Variants in TRMT11 observed in about 807,000 individuals in gnomAD.
TRMT11 encodes tRNA methyltransferase 11, also known as tRNA (guanine(10)-N(2))-methyltransferase TRMT11.
A neutral mutation model predicts 62.8 loss-of-function variants in TRMT11; 53 were observed. The ratio of observed to expected loss-of-function variants is 0.84; its 90% CI spans 0.68 to 1.06. TRMT11 has a LOEUF of 1.06. Ranked by LOEUF, TRMT11 falls within the 50% of genes least tolerant of loss-of-function variation. The pLI is 0.00. For missense variants in TRMT11, 556 were observed against 553.4 expected (o/e 1.00, Z -0.05); for synonymous variants, 188 against 190.3 (o/e 0.99, Z 0.10).
chr6:126,243,869 A>G, the TRMT11 span, among the ~76,000 whole-genome samples: 2,492 of 152,286 alleles, frequency 0.016, 61 homozygotes, highest in African/African-American at 0.054. Flanking sequence ...CCAACATGGC[A>G]CATGTATACA....
At chr6:126,225,528 G>A in the TRMT11 span, among the ~76,000 whole-genome samples, 1 of 151,734 alleles carries the variant, frequency 6.6e-6, no homozygotes, top group Non-Finnish European at 1.5e-5. Flanking sequence ...TCTGGTCTCC[G>A]TGGGAGATGC....
At chr6:126,098,537 T>C (rs1421793149) in intron 17 of TRMT11, among the ~76,000 whole-genome samples, 1 of 152,212 alleles carries the variant, frequency 6.6e-6, no homozygotes, top group Non-Finnish European at 1.5e-5. Flanking sequence ...TAGACCACAG[T>C]GACTGTACAA....
At chr6:126,207,586 G>A (rs1004920828), downstream of TRMT11, among the ~76,000 whole-genome samples, 4 of 152,146 alleles carry the variant, frequency 2.6e-5, no homozygotes, top group African/African-American at 9.6e-5. Context: ...ACTGAAAGAG[G>A]CCTATTAAAT....
At chr6:126,134,780 A>G (rs1225630627) in intron 21 of TRMT11, among the ~76,000 whole-genome samples, 1 of 151,958 alleles carries the variant, frequency 6.6e-6, no homozygotes, top group East Asian at 1.9e-4. Flanking sequence ...AAAGGTCTAA[A>G]TCATATCAAG....
At chr6:125,995,855 A>G in intron 2 of TRMT11, 112 bp from the exon 3 acceptor site, 1 of 703,762 alleles carries the variant, frequency 1.4e-6, no homozygotes, top group East Asian at 2.7e-5. Context: ...CAGATCAGAT[A>G]TTCTTACATG....
intron 21 of TRMT11, among the ~76,000 whole-genome samples, chr6:126,139,262 T>C (rs982489653): frequency 3.9e-5 from 6 of 152,048 alleles, no homozygotes; most frequent in Non-Finnish European, 7.4e-5. Flanking sequence ...GGCTACAATC[T>C]CCTTTGATCA....
intron 12 of TRMT11, among the ~76,000 whole-genome samples, chr6:126,022,145 G>A (rs1027776714): frequency 1.4e-5 from 2 of 143,246 alleles, no homozygotes; most frequent in Non-Finnish European, 3.0e-5. Flanking sequence ...CTGGTTTCAA[G>A]TGATTCTCCT....
At chr6:126,045,130 G>A (rs933566101) in intron 16 of TRMT11, among the ~76,000 whole-genome samples, 4 of 151,742 alleles carry the variant, frequency 2.6e-5, no homozygotes, top group African/African-American at 9.7e-5. Flanking sequence ...GGAGATTGCA[G>A]TGAGCTGAGA....
chr6:126,024,406 T>G (rs2128002514), intron 12 of TRMT11, among the ~76,000 whole-genome samples: 1 of 152,308 alleles, frequency 6.6e-6, no homozygotes, highest in Non-Finnish European at 1.5e-5. Context: ...TGTCTCTTTC[T>G]CTTCTTTTTG....
At chr6:126,247,005 C>T in the TRMT11 span, among the ~76,000 whole-genome samples, 1 of 152,194 alleles carries the variant, frequency 6.6e-6, no homozygotes, top group African/African-American at 2.4e-5. Context: ...GAGGCTGGTG[C>T]TTCCGAAGTT....
At chr6:126,016,408 G>GT (rs1447673332) in intron 11 of TRMT11, among the ~76,000 whole-genome samples, 7 of 152,106 alleles carry the variant, frequency 4.6e-5, no homozygotes, top group Non-Finnish European at 1.0e-4. Flanking sequence ...AGTTTTTTAT[G>GT]TAAGTCCTTC....
the TRMT11 span, among the ~76,000 whole-genome samples, chr6:126,245,791 A>G: frequency 6.6e-6 from 1 of 152,066 alleles, no homozygotes; most frequent in Non-Finnish European, 1.5e-5. Flanking sequence ...GTTTGAATAT[A>G]CTGTATTACC....
At chr6:126,018,075 A>G (rs568255984) in intron 11 of TRMT11, among the ~76,000 whole-genome samples, 187 of 152,342 alleles carry the variant, frequency 1.2e-3, no homozygotes, top group African/African-American at 2.8e-3. Context: ...TAGTGATAAC[A>G]TGATGACATA....
At chr6:126,146,091 G>T (rs1777971106) in intron 21 of TRMT11, among the ~76,000 whole-genome samples, 1 of 152,182 alleles carries the variant, frequency 6.6e-6, no homozygotes, top group Non-Finnish European at 1.5e-5. Context: ...CAAAATGATT[G>T]CCTTCTTCCA....
intron 3 of TRMT11, among the ~76,000 whole-genome samples, chr6:126,201,494 C>G (rs1778734275): frequency 1.3e-5 from 2 of 152,144 alleles, no homozygotes; most frequent in South Asian, 4.1e-4. Flanking sequence ...CACAGATGTC[C>G]CTCCTGTGGA....
At chr6:126,079,805 GCTAA>G (rs1359236270) in intron 17 of TRMT11, among the ~76,000 whole-genome samples, 2 of 152,176 alleles carry the variant, frequency 1.3e-5, no homozygotes, top group Non-Finnish European at 1.5e-5. Context: ...TCCGTGGTAA[GCTAA>G]CTATGACCAT....
At chr6:126,041,978 G>A (rs556191754), downstream of TRMT11, among the ~76,000 whole-genome samples, 84 of 152,178 alleles carry the variant, frequency 5.5e-4, no homozygotes, top group African/African-American at 1.9e-3. Flanking sequence ...ATTTTTCTCA[G>A]ATATTTATCA....
the TRMT11 span, among the ~76,000 whole-genome samples, chr6:126,263,986 T>A: frequency 6.6e-6 from 1 of 152,362 alleles, no homozygotes; most frequent in South Asian, 2.1e-4. Flanking sequence ...GAAACATTCT[T>A]TAAAACAGTG....
chr6:126,051,566 ATGCT>A (rs1776219580), intron 16 of TRMT11, among the ~76,000 whole-genome samples: 1 of 152,174 alleles, frequency 6.6e-6, no homozygotes, highest in Admixed American at 6.5e-5. Context: ...AGAAGCTGGA[ATGCT>A]GATCAGAAGA....
Sources: allele counts gnomAD v4.1 joint callset (sites outside exome capture counted in the v4.1 genomes callset), GRCh38; gene constraint gnomAD v4.1.1; transcripts MANE v1.5; gene names NCBI Gene and HGNC (gene_info 2026-07-23, HGNC 2026-07-21).